The following LAMP2 variants were observed in gnomAD, a reference collection of about 807,000 sequenced individuals.
The protein encoded by LAMP2 is lysosome-associated membrane glycoprotein 2.
In LAMP2, 4 loss-of-function variants were observed where a neutral mutation model predicts 25.6. That is an observed-to-expected ratio of 0.16 (90% CI 0.08 to 0.36). The LOEUF (loss-of-function observed/expected upper bound fraction) is 0.36. LAMP2 is among the 10% of genes least tolerant of loss of function. The pLI is 1.00. For missense variants in LAMP2, 272 were observed against 301.4 expected (o/e 0.90, Z 0.72); for synonymous variants, 108 against 112.7 (o/e 0.96, Z 0.27).
Position 120,446,396 on chromosome X carries a change from G to C in LAMP2, c.773C>G (p.Thr258Arg), listed in dbSNP as rs111703410. The C allele has an allele frequency of 1.7e-6, 2 of 1,207,465 alleles. No homozygotes were observed. The highest frequency in any genetic ancestry group is 2.2e-6 in the Non-Finnish European group (2 of 891,695). The change falls in exon 6 of 9, where the codon ACA becomes AGA. Residue 258 changes from threonine (T) to arginine (R), a missense_variant. Transcript: ENST00000200639. ...ACGGCAGCTGCCTGTGGAGTGAGTT[G>C]TATTGGGGTTGATGTTAATAACTGA... Reference protein sequence around the residue: ...VASVININPNTTHSTGSCRSH... With the variant: ...VASVININPNRTHSTGSCRSH...
chrX:120,465,959 G>T (rs777721998), intron 1 of LAMP2, among the ~76,000 whole-genome samples: 32 of 112,246 alleles, frequency 2.9e-4, no homozygotes, highest in Middle Eastern at 4.6e-3. Context: ...GCTCCACACT[G>T]AACCAAGAGC....
Position 120,455,598 on chromosome X carries a change from G to A in LAMP2, c.184-28C>T, listed in dbSNP as rs761817388. On this transcript the variant is annotated intron_variant, in intron 2 of 8. Transcript: ENST00000200639. ...AAAAGAAATAGAAATTTGGGGGTGA[G>A]AAACAAACAGGCAGCAAGGAACACC... is the stretch of plus-strand genomic sequence containing the variant. 10 of 1,086,018 alleles carry A rather than the reference G, an allele frequency of 9.2e-6. No homozygotes were observed. The South Asian group carries it at 1.9e-4, about 20-fold the overall frequency. The allele number at this position is 1,086,018 out of a possible 1,213,427, so 89.5% of individuals were successfully genotyped here.
chrX:120,453,915 A>G (rs1260323129), intron 3 of LAMP2, among the ~76,000 whole-genome samples: 1 of 112,638 alleles, frequency 8.9e-6, no homozygotes. Flanking sequence ...AATGCTTCCC[A>G]AGTTCATTTT....
At chrX:120,436,170 A>ACACACACTCTCT (rs1251901451) in intron 8 of LAMP2, among the ~76,000 whole-genome samples, 32 of 57,304 alleles carry the variant, frequency 5.6e-4, no homozygotes, top group African/African-American at 1.5e-3. Flanking sequence ...ACACACACAC[A>ACACACACTCTCT]CTCTCTCTCT....
chrX:120,467,758 G>C (rs751710093), intron 1 of LAMP2, among the ~76,000 whole-genome samples: 1 of 111,419 alleles, frequency 9.0e-6, no homozygotes, highest in Non-Finnish European at 1.9e-5. Flanking sequence ...TTTATTTATT[G>C]ATTTATTTAT....
chrX:120,447,380 C>G (rs1466764785), intron 5 of LAMP2, among the ~76,000 whole-genome samples: 2 of 108,595 alleles, frequency 1.8e-5, no homozygotes, highest in Non-Finnish European at 3.8e-5. Context: ...TGCACTCCAG[C>G]CTGGGCGACA....
intron 8 of LAMP2, among the ~76,000 whole-genome samples, chrX:120,434,791 G>A (rs780338251): frequency 6.7e-4 from 75 of 112,023 alleles, no homozygotes; most frequent in Middle Eastern, 9.2e-3. Context: ...GAACTGGAAA[G>A]CTGAGGTATA....
chrX:120,466,842 T>TC (rs968870174), intron 1 of LAMP2, among the ~76,000 whole-genome samples: 6 of 102,307 alleles, frequency 5.9e-5, no homozygotes, highest in African/African-American at 1.8e-4. Flanking sequence ...AATAACTTCT[T>TC]TTTTTTTTTT....
intron 1 of LAMP2, among the ~76,000 whole-genome samples, chrX:120,458,112 C>A (rs1202048488): frequency 9.0e-6 from 1 of 111,730 alleles, no homozygotes; most frequent in African/African-American, 3.3e-5. Flanking sequence ...CGGAAGGGAG[C>A]TGTTATACTT....
chrX:120,444,470 C>T (rs1425431285), intron 6 of LAMP2, among the ~76,000 whole-genome samples: 2 of 111,177 alleles, frequency 1.8e-5, no homozygotes, highest in Non-Finnish European at 3.8e-5. Context: ...ACTTACTCTC[C>T]TTATCTCCCT....
intron 4 of LAMP2, among the ~76,000 whole-genome samples, chrX:120,448,737 G>C (rs2058608940): frequency 8.9e-6 from 1 of 112,512 alleles, no homozygotes; most frequent in East Asian, 2.8e-4. Context: ...GCTGAGAACA[G>C]TATAGGTAGT....
chrX:120,455,625 A>G lies in LAMP2; in HGVS notation c.184-55T>C, dbSNP rs962831690. The G allele has an allele frequency of 9.6e-6, 9 of 942,003 alleles. No homozygotes were observed. The African/African-American group carries it at 1.7e-4, about 18-fold the overall frequency. The allele number at this position is 942,003 out of a possible 1,213,427, so 77.6% of individuals were successfully genotyped here. A position where few individuals can be genotyped will look rare whatever the true frequency, so the allele number is the denominator to read the frequency against. ...AACAAACAGGCAGCAAGGAACACCA[A>G]GCATTTATGTAGGGCATGCCACTTC... On this transcript the variant is annotated intron_variant, in intron 2 of 8. Coordinates refer to ENST00000200639, the MANE Select transcript of LAMP2 (RefSeq NM_002294.3).
chrX:120,431,009 A>G lies in LAMP2; in HGVS notation c.*314T>C, dbSNP rs755520529. On this transcript the variant is annotated 3_prime_UTR_variant, in exon 9 of 9. Coordinates refer to ENST00000200639, the MANE Select transcript of LAMP2 (RefSeq NM_002294.3). ...TTTTATTCTTATAATGGCCATGTTA[A>G]TAAGTTCAAGGCATACTTCAAGGTT... 2.2e-5 allele frequency: 19 copies of G among 871,525 alleles called. No homozygotes were observed. Among genetic ancestry groups the G allele is most frequent in the Non-Finnish European group, 2.5e-5 (18 of 710,971 alleles). The allele number at this position is 871,525 out of a possible 1,213,427, so 71.8% of individuals were successfully genotyped here. A position where few individuals can be genotyped will look rare whatever the true frequency, so the allele number is the denominator to read the frequency against.
chrX:120,442,812 G>A, intron 6 of LAMP2, 150 bp from the exon 7 acceptor site: 1 of 507,924 alleles, frequency 2.0e-6, no homozygotes, highest in East Asian at 3.5e-5. Flanking sequence ...AAGTAAAAGA[G>A]AACTCATAAT....
chrX:120,427,091 G>A lies in LAMP2; in HGVS notation c.*4232C>T, dbSNP rs1217601223. 8.9e-6 allele frequency among the ~76,000 whole-genome samples: 1 copy of A among 111,930 alleles called. No individual in the cohort carries two copies. The highest frequency in any genetic ancestry group is 3.2e-5 in the African/African-American group (1 of 30,825). On this transcript the variant is annotated 3_prime_UTR_variant, in exon 9 of 9. Coordinates refer to ENST00000200639, the MANE Select transcript of LAMP2 (RefSeq NM_002294.3). Reference sequence around the variant, plus strand: ...GTGGTGAGCTTCTGCATTGTGCTGAGAGGTAGATTGGGACTTAATCCTTGG... The same window carrying A: ...GTGGTGAGCTTCTGCATTGTGCTGAAAGGTAGATTGGGACTTAATCCTTGG...
Position 120,441,798 on chromosome X carries a change from G to A in LAMP2, c.1025C>T (p.Ala342Val), listed in dbSNP as rs768336099. 1 of 1,205,868 alleles carries A rather than the reference G, an allele frequency of 8.3e-7. No individual in the cohort carries two copies. Among genetic ancestry groups the A allele is most frequent in the East Asian group, 3.0e-5 (1 of 33,852 alleles). ...NKEQTVSVSG[A>V]FQINTFDLRV... ...TAGATCAAAGGTATTTATCTGAAATGCTCCAGACACTGAAACAGTCTGCTC... is the reference window on the plus strand; with the variant it reads ...TAGATCAAAGGTATTTATCTGAAATACTCCAGACACTGAAACAGTCTGCTC... The change falls in exon 8 of 9, where the codon GCA becomes GTA. Residue 342 changes from alanine (A) to valine (V), a missense_variant. Physicochemically the swap from Ala to Val is moderately conservative, Grantham distance 64 (BLOSUM62 0). Transcript: ENST00000200639.
At chrX:120,444,792 A>G (rs1466815438) in intron 6 of LAMP2, among the ~76,000 whole-genome samples, 1 of 111,717 alleles carries the variant, frequency 9.0e-6, no homozygotes, top group Non-Finnish European at 1.9e-5. Flanking sequence ...TCTTCTCCAT[A>G]ACCCACCATA....
chrX:120,428,788 T>C lies in LAMP2; in HGVS notation c.*2535A>G, dbSNP rs2058509085. On this transcript the variant is annotated 3_prime_UTR_variant, in exon 9 of 9. Coordinates refer to ENST00000200639, the MANE Select transcript of LAMP2 (RefSeq NM_002294.3). ...TGCTCAATATCTCATTATCACTTTA[T>C]CTAAAATCACACGAAATTCCTCAGT... The C allele has an allele frequency of 1.3e-6, 1 of 751,306 alleles. No individual in the cohort carries two copies. The highest frequency in any genetic ancestry group is 2.3e-5 in the African/African-American group (1 of 43,089). 61.9% of individuals were successfully genotyped at this position (751,306 alleles called of 1,213,427 possible). A position where few individuals can be genotyped will look rare whatever the true frequency, so the allele number is the denominator to read the frequency against.
At position 120,428,622 on chromosome X, in the gene LAMP2, T is replaced by A; in HGVS notation, c.*2701A>T. ...TGAGGTCAGAGTCAGCAGAACATTC[T>A]TCAGCTGTTAGAAAAGAACAGACAG... On this transcript the variant is annotated 3_prime_UTR_variant, in exon 9 of 9. Transcript: ENST00000200639. 8 of 1,181,873 alleles carry A rather than the reference T, an allele frequency of 6.8e-6. No individual in the cohort carries two copies. The highest frequency in any genetic ancestry group is 7.9e-6 in the Non-Finnish European group (7 of 882,719).
Sources: allele counts gnomAD v4.1 joint callset (sites outside exome capture counted in the v4.1 genomes callset), GRCh38; gene constraint gnomAD v4.1.1; transcripts MANE v1.5; gene names NCBI Gene and HGNC (gene_info 2026-07-23, HGNC 2026-07-21).